The following PPP2R2D variants were observed in gnomAD, a reference collection of about 807,000 sequenced individuals.
PPP2R2D encodes the protein serine/threonine-protein phosphatase 2A 55 kDa regulatory subunit B delta isoform.
Under a neutral mutation model 31.1 loss-of-function variants are expected in PPP2R2D, and 9 were observed. The observed-to-expected ratio is 0.29, with a 90% CI of 0.17 to 0.51. The LOEUF (loss-of-function observed/expected upper bound fraction) is 0.51, where lower values mean the gene tolerates loss of function less well. Ranked by LOEUF, PPP2R2D falls within the 20% of genes least tolerant of loss-of-function variation. The pLI, the probability that PPP2R2D is intolerant of heterozygous loss-of-function variation, is 0.98. For missense variants in PPP2R2D, 391 were observed against 465.6 expected, an observed-to-expected ratio of 0.84 and a Z score of 1.48; for synonymous variants, 179 against 172.6, an observed-to-expected ratio of 1.04 and a Z score of -0.29.
chr10:131,931,228 T>A (rs1238196058), intron 2 of PPP2R2D, among the ~76,000 whole-genome samples: 3 of 152,218 alleles, frequency 2.0e-5, no homozygotes, highest in Non-Finnish European at 2.9e-5. Context: ...AGCACCTGGC[T>A]CCTAGTAAGC....
intron 8 of PPP2R2D, among the ~76,000 whole-genome samples, 180 bp from the exon 9 acceptor site, chr10:131,955,504 T>C (rs188877824): frequency 6.6e-6 from 1 of 152,304 alleles, no homozygotes; most frequent in East Asian, 1.9e-4. Context: ...TAGATAAAGC[T>C]CGGTACACAT....
chr10:131,937,945 G>A (rs1005441323), intron 3 of PPP2R2D, among the ~76,000 whole-genome samples: 15 of 152,182 alleles, frequency 9.9e-5, no homozygotes, highest in African/African-American at 2.2e-4. Context: ...GCTCCTGCCC[G>A]TGGAGGCTTC....
chr10:131,916,381 A>G (rs2035780868), intron 2 of PPP2R2D, among the ~76,000 whole-genome samples: 1 of 150,204 alleles, frequency 6.7e-6, no homozygotes, highest in African/African-American at 2.5e-5. Context: ...GTGGTAAAAT[A>G]TACATGGCAT....
chr10:131,929,905 G>C (rs540146142), intron 2 of PPP2R2D, among the ~76,000 whole-genome samples: 1 of 152,026 alleles, frequency 6.6e-6, no homozygotes, highest in Non-Finnish European at 1.5e-5. Context: ...ACCTGAGGCC[G>C]CCCCGGTTGT....
intron 7 of PPP2R2D, among the ~76,000 whole-genome samples, chr10:131,946,788 A>G (rs2036550060): frequency 6.6e-6 from 1 of 152,212 alleles, no homozygotes; most frequent in Admixed American, 6.5e-5. Flanking sequence ...AAGGAAGCAC[A>G]AGCCAGGTGC....
At chr10:131,924,612 C>T (rs782343101) in intron 2 of PPP2R2D, among the ~76,000 whole-genome samples, 3 of 151,586 alleles carry the variant, frequency 2.0e-5, no homozygotes, top group Non-Finnish European at 4.4e-5. Flanking sequence ...AGTCTTCCTC[C>T]TCTGCTCTTT....
At chr10:131,950,172 G>A (rs1015047751) in intron 8 of PPP2R2D, among the ~76,000 whole-genome samples, 2 of 152,184 alleles carry the variant, frequency 1.3e-5, no homozygotes, top group African/African-American at 4.8e-5. Context: ...GAAGAAATGC[G>A]GGCTAAAGAG....
intron 3 of PPP2R2D, among the ~76,000 whole-genome samples, chr10:131,938,901 G>A (rs1301615792): frequency 6.6e-6 from 1 of 152,246 alleles, no homozygotes; most frequent in African/African-American, 2.4e-5. Flanking sequence ...CTCCTCTAGA[G>A]CAGACTCAGC....
chr10:131,926,337 C>A (rs1426270321), intron 2 of PPP2R2D, among the ~76,000 whole-genome samples: 1 of 151,994 alleles, frequency 6.6e-6, no homozygotes, highest in East Asian at 1.9e-4. Context: ...GACACAGAAA[C>A]GTGTGTATAT....
the PPP2R2D span, chr10:131,970,415 G>A: frequency 1.8e-5 from 11 of 619,276 alleles, no homozygotes; most frequent in Non-Finnish European, 3.0e-5. The surrounding 1 kb of genome is among the most constrained non-coding windows in gnomAD (Gnocchi z 4.1). Context: ...AGGCAGACTC[G>A]TCAGGCCAGA....
intron 8 of PPP2R2D, among the ~76,000 whole-genome samples, chr10:131,954,471 A>T (rs1554899600): frequency 6.6e-6 from 1 of 152,096 alleles, no homozygotes; most frequent in African/African-American, 2.4e-5. Flanking sequence ...TTGGCTGCAT[A>T]CCCCTGTTCC....
chr10:131,954,117 G>A (rs368243005), intron 8 of PPP2R2D, among the ~76,000 whole-genome samples: 2 of 152,200 alleles, frequency 1.3e-5, no homozygotes, highest in South Asian at 2.1e-4. Context: ...TGTCTGTGCT[G>A]TTCCCTTCCT....
Position 131,945,420 on chromosome 10 carries a change from G to C in PPP2R2D, c.781G>C (p.Asp261His). The C allele has an allele frequency of 1.2e-6, 2 of 1,614,140 alleles. No individual in the cohort carries two copies. The highest frequency in any genetic ancestry group is 1.7e-6 in the Non-Finnish European group (2 of 1,179,994). The change falls in exon 7 of 9, where the codon GAC (aspartate) becomes CAC (histidine). Residue 261 changes from aspartate (D) to histidine (H), a missense_variant. By Grantham distance (81) the Asp-to-His change is moderately conservative. Transcript: ENST00000455566. This position sits in a 1 kb window ranked among gnomAD's most constrained non-coding sequence, Gnocchi z 4.8. The part of the protein sequence containing the change: ...SSSKGTIRLC[D>H]MRSSALCDRH... ...TAGCAAAGGGACCATCCGCCTGTGTGACATGCGCTCCTCGGCCCTGTGCGA... is the reference window on the plus strand; with the variant it reads ...TAGCAAAGGGACCATCCGCCTGTGTCACATGCGCTCCTCGGCCCTGTGCGA...
downstream of PPP2R2D, among the ~76,000 whole-genome samples, chr10:131,961,558 C>A (rs1554901465): frequency 1.3e-5 from 2 of 152,186 alleles, no homozygotes; most frequent in Non-Finnish European, 2.9e-5. Context: ...GAGCTCCGTG[C>A]CTCTGTGCCC....
intron 3 of PPP2R2D, among the ~76,000 whole-genome samples, chr10:131,935,427 A>C (rs1467353353): frequency 6.6e-6 from 1 of 152,114 alleles, no homozygotes; most frequent in South Asian, 2.1e-4. Flanking sequence ...ACTTTGGTTT[A>C]GAGGTTGGTG....
intron 2 of PPP2R2D, among the ~76,000 whole-genome samples, chr10:131,927,477 G>C (rs2036128826): frequency 6.6e-6 from 1 of 152,194 alleles, no homozygotes; most frequent in Non-Finnish European, 1.5e-5. Context: ...TCCGAGTGAA[G>C]ACGGATAGCT....
At chr10:131,917,264 G>C (rs376296790) in intron 2 of PPP2R2D, among the ~76,000 whole-genome samples, 39 of 128,498 alleles carry the variant, frequency 3.0e-4, no homozygotes, top group African/African-American at 4.1e-4. Flanking sequence ...AGGGACCTCA[G>C]GCGGGTGGAA....
rs2036804323 is a variant in PPP2R2D, at chr10:131,956,587, G to A, written c.*624G>A. 1.0e-6 allele frequency: 1 copy of A among 977,098 alleles called. No homozygotes were observed. Among genetic ancestry groups the A allele is most frequent in the African/African-American group, 1.8e-5 (1 of 57,072 alleles). 60.5% of individuals were successfully genotyped at this position (977,098 alleles called of 1,614,324 possible). On this transcript the variant is annotated 3_prime_UTR_variant, in exon 9 of 9. Transcript: ENST00000455566. Reference sequence around the variant, plus strand: ...TCTTTTTATTTAATTTTATTGCATAGAATGAAGTTATGCAGGGTTCTTCTT... The same window carrying A: ...TCTTTTTATTTAATTTTATTGCATAAAATGAAGTTATGCAGGGTTCTTCTT...
intron 2 of PPP2R2D, among the ~76,000 whole-genome samples, chr10:131,926,004 C>T (rs868920380): frequency 5.3e-5 from 8 of 152,130 alleles, no homozygotes; most frequent in South Asian, 2.1e-4. Context: ...TGTTAAGGGA[C>T]GGGATTTTTC....
Sources: gnomAD v4.1 joint callset for allele counts (sites outside exome capture counted in the v4.1 genomes callset) on GRCh38, gnomAD v4.1.1 for gene constraint, Gnocchi (gnomAD v3.1) non-coding constraint, MANE v1.5 for transcripts, NCBI Gene and HGNC (gene_info 2026-07-23, HGNC 2026-07-21) for gene names.